Variants in RAB31 observed in about 807,000 individuals in gnomAD.
The protein encoded by RAB31 is ras-related protein Rab-31.
Under a neutral mutation model 25.6 loss-of-function variants are expected in RAB31, and 21 were observed. The observed-to-expected ratio is 0.82, with a 90% confidence interval of 0.58 to 1.18. The LOEUF (loss-of-function observed/expected upper bound fraction) is 1.18. Ranked by LOEUF, RAB31 falls within the 50% of genes most tolerant of loss-of-function variation. RAB31 has a pLI of 0.00. For missense variants in RAB31, 196 were observed against 250.1 expected (o/e 0.78, Z 1.46); for synonymous variants, 87 against 84.0 (o/e 1.04, Z -0.20).
At chr18:9,718,099 G>A (rs1013723186) in intron 1 of RAB31, among the ~76,000 whole-genome samples, 3 of 151,860 alleles carry the variant, frequency 2.0e-5, no homozygotes, top group Admixed American at 6.6e-5. Context: ...GGCTTGCCAC[G>A]TTGCCCAGGC....
chr18:9,840,483 C>T (rs2068727977), intron 5 of RAB31, among the ~76,000 whole-genome samples: 1 of 152,150 alleles, frequency 6.6e-6, no homozygotes, highest in Admixed American at 6.5e-5. Flanking sequence ...GTGCAGTGGC[C>T]TCTCCTGAAG....
intron 5 of RAB31, among the ~76,000 whole-genome samples, chr18:9,838,556 A>G (rs1294774591): frequency 6.6e-6 from 1 of 152,232 alleles, no homozygotes; most frequent in Non-Finnish European, 1.5e-5. Context: ...AAGGAGGACC[A>G]CAAAGAATTT....
chr18:9,859,507 C>A lies in RAB31; in HGVS notation c.*182C>A. Reference sequence around the variant, plus strand: ...TGTACCTGAAAAGGATTTTAGAAAACCCTGGGAAAACCCACCACACCACCA... The same window carrying A: ...TGTACCTGAAAAGGATTTTAGAAAAACCTGGGAAAACCCACCACACCACCA... On this transcript the variant is annotated 3_prime_UTR_variant, in exon 7 of 7. Transcript: ENST00000578921. 1 of 496,266 alleles carries A rather than the reference C, an allele frequency of 2.0e-6. No individual in the cohort carries two copies. The highest frequency in any genetic ancestry group is 3.5e-6 in the Non-Finnish European group (1 of 285,724). The allele number at this position is 496,266 out of a possible 1,614,324, so 30.7% of individuals were successfully genotyped here. A position where few individuals can be genotyped will look rare whatever the true frequency, so the allele number is the denominator to read the frequency against.
Position 9,823,537 on chromosome 18 carries a change from C to T in RAB31, c.380+8315C>T, listed in dbSNP as rs188504664. Among the ~76,000 whole-genome samples, 6 of 152,178 alleles carry T rather than the reference C, an allele frequency of 3.9e-5. No individual in the cohort carries two copies. The East Asian group carries it at 9.7e-4, about 25-fold the overall frequency. On this transcript the variant is annotated intron_variant, in intron 5 of 6. Coordinates refer to ENST00000578921, the MANE Select transcript of RAB31 (RefSeq NM_006868.4). ...AAACTGGGCGAAGTGTATGAGAAATCGCTTGGTACTGTTTCTTACAACTGC... is the reference window on the plus strand; with the variant it reads ...AAACTGGGCGAAGTGTATGAGAAATTGCTTGGTACTGTTTCTTACAACTGC...
chr18:9,839,340 C>T (rs545722767), intron 5 of RAB31, among the ~76,000 whole-genome samples: 4 of 152,268 alleles, frequency 2.6e-5, no homozygotes, highest in Admixed American at 6.5e-5. Context: ...CATGAAGCCC[C>T]GTCCTGCTAA....
Position 9,708,549 on chromosome 18 carries a change from G to A in RAB31, c.39+105G>A, listed in dbSNP as rs984847740. The A allele has an allele frequency of 5.9e-6, 6 of 1,015,036 alleles. No individual in the cohort carries two copies. The African/African-American group carries it at 6.8e-5, about 12-fold the overall frequency. The allele number at this position is 1,015,036 out of a possible 1,614,324, so 62.9% of individuals were successfully genotyped here. On this transcript the variant is annotated intron_variant, in intron 1 of 6. Coordinates refer to ENST00000578921, the MANE Select transcript of RAB31 (RefSeq NM_006868.4). This position sits in a 1 kb window ranked among gnomAD's most constrained non-coding sequence, Gnocchi z 6.4. The stretch of plus-strand genomic sequence containing the variant: ...AGTCCCCGTGATCCCCTCGCTCTCC[G>A]CACCCCTCTCGTAGCCCCCGTCCCC...
At chr18:9,709,369 A>G (rs2068004509) in intron 1 of RAB31, among the ~76,000 whole-genome samples, 1 of 152,194 alleles carries the variant, frequency 6.6e-6, no homozygotes, top group Admixed American at 6.5e-5. Context: ...CGTTTTCAGC[A>G]GCCATTAGCA....
At chr18:9,751,368 C>T (rs76729880) in intron 1 of RAB31, among the ~76,000 whole-genome samples, 3,439 of 152,226 alleles carry the variant, frequency 0.023, 152 homozygotes, top group African/African-American at 0.079. Flanking sequence ...CAAACATTTT[C>T]TGATGGATTA....
chr18:9,710,843 G>C (rs1307838082), intron 1 of RAB31, among the ~76,000 whole-genome samples: 1 of 152,110 alleles, frequency 6.6e-6, no homozygotes, highest in East Asian at 1.9e-4. Flanking sequence ...GGGCGACAGA[G>C]TGAGACTCTA....
chr18:9,858,864 A>G (rs1010770220), intron 6 of RAB31, among the ~76,000 whole-genome samples: 5 of 152,214 alleles, frequency 3.3e-5, no homozygotes, highest in African/African-American at 1.2e-4. Context: ...TCATTAAACC[A>G]GGATGGGTCT....
chr18:9,855,888 G>A (rs150703786), intron 6 of RAB31, among the ~76,000 whole-genome samples: 164 of 152,192 alleles, frequency 1.1e-3, no homozygotes, highest in Admixed American at 2.6e-3. Flanking sequence ...CCCATGAGCC[G>A]TGCCCAGAAG....
At chr18:9,717,879 G>A (rs1377333171) in intron 1 of RAB31, among the ~76,000 whole-genome samples, 2 of 152,078 alleles carry the variant, frequency 1.3e-5, no homozygotes, top group East Asian at 3.9e-4. Context: ...AATTAAGAAA[G>A]TTTTATTTAT....
chr18:9,782,002 G>T (rs1389649628), intron 2 of RAB31, among the ~76,000 whole-genome samples: 1 of 152,178 alleles, frequency 6.6e-6, no homozygotes, highest in Non-Finnish European at 1.5e-5. Context: ...TAATAAACTT[G>T]CATTCCTGGT....
chr18:9,809,342 C>T (rs1054779107), intron 3 of RAB31, among the ~76,000 whole-genome samples: 6 of 151,936 alleles, frequency 3.9e-5, no homozygotes, highest in Middle Eastern at 3.4e-3. Flanking sequence ...CTTGATCACG[C>T]GAGGTCCCTA....
At chr18:9,832,440 C>A (rs1049067916) in intron 5 of RAB31, among the ~76,000 whole-genome samples, 2 of 152,202 alleles carry the variant, frequency 1.3e-5, no homozygotes, top group African/African-American at 2.4e-5. Flanking sequence ...AGGGGCAAAC[C>A]GTGGACGATC....
At chr18:9,838,128 C>T (rs371162181) in intron 5 of RAB31, among the ~76,000 whole-genome samples, 7 of 152,312 alleles carry the variant, frequency 4.6e-5, no homozygotes, top group African/African-American at 1.7e-4. Context: ...CTCCTTTTCC[C>T]TTACGTAAAC....
intron 5 of RAB31, among the ~76,000 whole-genome samples, chr18:9,818,076 T>C (rs1466101573): frequency 6.6e-6 from 1 of 152,236 alleles, no homozygotes; most frequent in Non-Finnish European, 1.5e-5. Context: ...TCTTTTGTTA[T>C]ACACAGTTAT....
chr18:9,729,679 G>C (rs2068112828), intron 1 of RAB31, among the ~76,000 whole-genome samples: 1 of 149,550 alleles, frequency 6.7e-6, no homozygotes, highest in Non-Finnish European at 1.5e-5. Context: ...ATGCCTAGCT[G>C]GTTGCTTTAA....
rs78821349 is a variant in RAB31 at position 9,804,794 on chromosome 18, G to A, written c.202-9226G>A. On this transcript the variant is annotated intron_variant, in intron 3 of 6. Coordinates refer to ENST00000578921, the MANE Select transcript of RAB31 (RefSeq NM_006868.4). ...AAGACCTCTGCATCCAGAGTGGCCC[G>A]GTGGAAGGTGCCAGACTCCCCCTCA... Among the ~76,000 whole-genome samples the A allele has an allele frequency of 7.6e-3, 1,120 of 147,884 alleles. 11 individuals are homozygous for A. Among genetic ancestry groups the A allele is most frequent in the African/African-American group, 0.026 (1,017 of 39,830 alleles).
Sources: allele counts gnomAD v4.1 joint callset (sites outside exome capture counted in the v4.1 genomes callset), GRCh38; gene constraint gnomAD v4.1.1; non-coding constraint Gnocchi (gnomAD v3.1); transcripts MANE v1.5; gene names NCBI Gene and HGNC (gene_info 2026-07-23, HGNC 2026-07-21).